Variants in ZFPM2 observed in about 807,000 individuals in gnomAD.
ZFPM2 encodes zinc finger protein ZFPM2.
A neutral mutation model predicts 98.6 loss-of-function variants in ZFPM2; 20 were observed. That is an observed-to-expected ratio of 0.20 (90% CI 0.14 to 0.29). The LOEUF is 0.29. Among genes scored for constraint, ZFPM2 ranks in the 10% least tolerant of loss-of-function variants. The pLI is 1.00. For synonymous variants in ZFPM2, 518 were observed against 502.7 expected (o/e 1.03, Z -0.41); for missense variants, 1,310 against 1,388.6 (o/e 0.94, Z 0.90).
At chr8:105,700,489 C>T (rs745459370) in intron 5 of ZFPM2, among the ~76,000 whole-genome samples, 11 of 152,110 alleles carry the variant, frequency 7.2e-5, no homozygotes, top group Non-Finnish European at 1.5e-5. Flanking sequence ...TGTATTAAAG[C>T]TGGTTATTGT....
At chr8:105,779,184 A>G (rs1371852316) in intron 5 of ZFPM2, among the ~76,000 whole-genome samples, 1 of 152,144 alleles carries the variant, frequency 6.6e-6, no homozygotes, top group Non-Finnish European at 1.5e-5. Context: ...TTAAAGTTTC[A>G]CACTGATATT....
rs549592245 is a variant in ZFPM2 at position 105,664,360 on chromosome 8, T to TGTGTGTGA, written c.532+30004_532+30005insTGTGTGAG. 1.6e-3 allele frequency among the ~76,000 whole-genome samples: 233 copies of TGTGTGTGA among 144,548 alleles called. 1 individual carries two copies. Among genetic ancestry groups the TGTGTGTGA allele is most frequent in the African/African-American group, 5.6e-3 (222 of 39,844 alleles). The allele number at this position is 144,548 out of a possible 152,430, so 94.8% of individuals were successfully genotyped here. A position where few individuals can be genotyped will look rare whatever the true frequency, so the allele number is the denominator to read the frequency against. ...GTGTGTGTGTGTGTGTGTGTGTGTGTGACAGAGTTTCGTTCTTGTTGCCCA... is the reference window on the plus strand; with the variant it reads ...GTGTGTGTGTGTGTGTGTGTGTGTGTGTGTGTGAGACAGAGTTTCGTTCTTGTTGCCCA... On this transcript the variant is annotated intron_variant, in intron 5 of 7. Transcript: ENST00000407775.
chr8:105,758,903 A>G (rs1812672267), intron 5 of ZFPM2, among the ~76,000 whole-genome samples: 2 of 152,126 alleles, frequency 1.3e-5, no homozygotes, highest in Non-Finnish European at 2.9e-5. Flanking sequence ...GCCTGATGGT[A>G]AAGTGCTTCC....
intron 5 of ZFPM2, among the ~76,000 whole-genome samples, chr8:105,759,353 C>G (rs1812683820): frequency 6.6e-6 from 1 of 152,006 alleles, no homozygotes; most frequent in Non-Finnish European, 1.5e-5. Flanking sequence ...GCCATTATGG[C>G]CAAAGGTAAA....
At chr8:105,720,888 T>G (rs1811646800) in intron 5 of ZFPM2, among the ~76,000 whole-genome samples, 1 of 151,942 alleles carries the variant, frequency 6.6e-6, no homozygotes, top group Non-Finnish European at 1.5e-5. Context: ...ACAGTCCCAT[T>G]GTTTTGGCAT....
At chr8:105,531,149 G>A (rs1254277189) in intron 3 of ZFPM2, among the ~76,000 whole-genome samples, 1 of 152,108 alleles carries the variant, frequency 6.6e-6, no homozygotes, top group Non-Finnish European at 1.5e-5. Context: ...GTTGGTGAAG[G>A]ATGTTAATTG....
chr8:105,465,526 A>G (rs939247610), intron 3 of ZFPM2, among the ~76,000 whole-genome samples: 2 of 151,940 alleles, frequency 1.3e-5, no homozygotes, highest in Admixed American at 6.6e-5. Flanking sequence ...AAATACTAAG[A>G]TTAGATTTAT....
chr8:105,665,990 AGGAG>A (rs943234228), intron 5 of ZFPM2, among the ~76,000 whole-genome samples: 1 of 152,228 alleles, frequency 6.6e-6, no homozygotes, highest in African/African-American at 2.4e-5. Context: ...TTCAAAATTA[AGGAG>A]ATGCTTAAGT....
intron 5 of ZFPM2, chr8:105,787,172 C>T (rs1813437161): frequency 1.3e-5 from 2 of 152,166 alleles, no homozygotes; most frequent in African/African-American, 4.8e-5. Context: ...GAAATACCAC[C>T]ACTCACACTT....
intron 3 of ZFPM2, among the ~76,000 whole-genome samples, chr8:105,517,212 G>T (rs1316581823): frequency 6.6e-6 from 1 of 152,182 alleles, no homozygotes; most frequent in Non-Finnish European, 1.5e-5. Flanking sequence ...AAGGATAACA[G>T]TGGTCGAATC....
chr8:105,606,833 T>C (rs768056597), intron 4 of ZFPM2, among the ~76,000 whole-genome samples: 7 of 152,262 alleles, frequency 4.6e-5, no homozygotes, highest in Middle Eastern at 3.4e-3. Flanking sequence ...TGATCACATA[T>C]ATAATTAAAG....
At chr8:105,585,316 A>G (rs1245519426) in intron 4 of ZFPM2, among the ~76,000 whole-genome samples, 1 of 152,106 alleles carries the variant, frequency 6.6e-6, no homozygotes, top group African/African-American at 2.4e-5. Flanking sequence ...TTGTTTTATT[A>G]GTTTTTTTCT....
rs1811107809 is a variant in ZFPM2, at chr8:105,700,070, T to TAAA, written c.532+65715_532+65716insAAA. Among the ~76,000 whole-genome samples the TAAA allele has an allele frequency of 2.0e-5, 3 of 152,324 alleles. No homozygotes were observed. The South Asian group carries it at 6.2e-4, about 32-fold the overall frequency. ...AACCATAAAAGTTATTTAATCATTT[T>TAAA]AACCTTGGAATACTACCCCACAAAA... On this transcript the variant is annotated intron_variant, in intron 5 of 7. Transcript: ENST00000407775.
At chr8:105,639,896 A>G (rs1334334578) in intron 5 of ZFPM2, among the ~76,000 whole-genome samples, 3 of 152,014 alleles carry the variant, frequency 2.0e-5, no homozygotes, top group African/African-American at 7.2e-5. Context: ...GGAGCATATC[A>G]TTGGATTTTT....
intron 1 of ZFPM2, among the ~76,000 whole-genome samples, chr8:105,393,333 T>TCTCTCTC (rs370622164): frequency 1.1e-5 from 1 of 92,930 alleles, no homozygotes; most frequent in African/African-American, 4.2e-5. Flanking sequence ...TCTCTCTCTC[T>TCTCTCTC]TTGCCTTTCT....
intron 5 of ZFPM2, among the ~76,000 whole-genome samples, chr8:105,707,233 C>T (rs540656128): frequency 3.1e-5 from 4 of 129,616 alleles, no homozygotes; most frequent in African/African-American, 6.0e-5. Context: ...CAGAGCAAGA[C>T]TTTGTCTCAA....
At chr8:105,666,875 A>T (rs564437557) in intron 5 of ZFPM2, among the ~76,000 whole-genome samples, 1 of 152,184 alleles carries the variant, frequency 6.6e-6, no homozygotes, top group Non-Finnish European at 1.5e-5. Flanking sequence ...TAACGCTCCC[A>T]CTAAATCTAA....
chr8:105,634,300 G>T lies in ZFPM2; in HGVS notation c.475G>T (p.Asp159Tyr). Reference sequence around the variant, plus strand: ...GACTGCTGGTCCCAAGTGGTTGCTGGATGTGACTTGGCAAGGAGTGGAAGA... The same window carrying T: ...GACTGCTGGTCCCAAGTGGTTGCTGTATGTGACTTGGCAAGGAGTGGAAGA... ...VLTAGPKWLLDVTWQGVEDNK... is the reference protein window; with the variant it reads ...VLTAGPKWLLYVTWQGVEDNK... Residue 159 changes from aspartate (D) to tyrosine (Y), a missense_variant, in exon 5 of 8, where the codon GAT becomes TAT. By Grantham distance (160) the Asp-to-Tyr change is radical. Transcript: ENST00000407775. 1 of 1,613,164 alleles carries T rather than the reference G, an allele frequency of 6.2e-7. No homozygotes were observed. The highest frequency in any genetic ancestry group is 8.5e-7 in the Non-Finnish European group (1 of 1,179,504).
In ZFPM2 at chr8:105,318,782, C is replaced by A. The variant is rs1811956477; in HGVS notation, c.-160C>A. On this transcript the variant is annotated 5_prime_UTR_variant, in exon 1 of 8. Transcript: ENST00000407775. ...CTCATCTCCGAACGTGAATCCGCGG[C>A]TCCCGGAGGAGCCCAGCGCCCGGAG... The A allele has an allele frequency of 5.4e-6, 1 of 186,262 alleles. No homozygotes were observed. The highest frequency in any genetic ancestry group is 2.4e-5 in the African/African-American group (1 of 41,728). 11.5% of individuals were successfully genotyped at this position (186,262 alleles called of 1,614,324 possible). A position where few individuals can be genotyped will look rare whatever the true frequency, so the allele number is the denominator to read the frequency against.
Sources: gnomAD v4.1 joint callset for allele counts (sites outside exome capture counted in the v4.1 genomes callset) on GRCh38, gnomAD v4.1.1 for gene constraint, MANE v1.5 for transcripts, NCBI Gene and HGNC (gene_info 2026-07-23, HGNC 2026-07-21) for gene names.